Variants in PXDN observed in about 807,000 individuals in gnomAD.
PXDN encodes the protein peroxidasin, also known as peroxidasin homolog.
PXDN carries 77 observed loss-of-function variants against 140.3 expected under a neutral mutation model. That is an observed-to-expected ratio of 0.55 (90% confidence interval 0.46 to 0.66). The LOEUF (loss-of-function observed/expected upper bound fraction) is 0.66. Ranked by LOEUF, PXDN falls within the 30% of genes least tolerant of loss-of-function variation. The probability of loss-of-function intolerance (pLI) is 0.00; values close to 1 mark genes in which losing one functional copy is unlikely to be tolerated. For missense variants in PXDN, 1,838 were observed against 2,039.5 expected (o/e 0.90, Z 1.90); for synonymous variants, 911 against 857.4 (o/e 1.06, Z -1.09).
chr2:1,649,342 T>C lies in PXDN; in HGVS notation c.2438A>G (p.Gln813Arg), dbSNP rs1247711598. The change falls in exon 17 of 23, where the codon CAG becomes CGG. Residue 813 changes from glutamine (Q) to arginine (R), a missense_variant. Around this residue, in one of 5 missense-constraint regions of PXDN, gnomAD observed 537 missense variants for 583.9 expected, o/e 0.92. Coordinates refer to ENST00000252804, the MANE Select transcript of PXDN (RefSeq NM_012293.3). This position sits in a 1 kb window ranked among gnomAD's most constrained non-coding sequence, Gnocchi z 7.1. ...CCACTGCATCAGCATGTGGGTGAACTGCTCGTCGGGTGTGACGGTCTCCGT... is the reference window on the plus strand; with the variant it reads ...CCACTGCATCAGCATGTGGGTGAACCGCTCGTCGGGTGTGACGGTCTCCGT... ...IGTETVTPDE[Q>R]FTHMLMQWGQ... 5 of 1,613,766 alleles carry C rather than the reference T, an allele frequency of 3.1e-6. No homozygotes were observed. Among genetic ancestry groups the C allele is most frequent in the Non-Finnish European group, 3.4e-6 (4 of 1,179,882 alleles).
In PXDN at chr2:1,649,719, G is replaced by T. The variant is rs767715021; in HGVS notation, c.2105-44C>A. 7 of 1,601,508 alleles carry T rather than the reference G, an allele frequency of 4.4e-6. No homozygotes were observed. The African/African-American group carries it at 6.7e-5, about 15-fold the overall frequency. ...CAAGACGCACTCAATTCCCCTGGAG[G>T]ATGTGTGAGGGCCCGGTACCCCTTG... On this transcript the variant is annotated intron_variant, in intron 16 of 22. Transcript: ENST00000252804. This position sits in a 1 kb window ranked among gnomAD's most constrained non-coding sequence, Gnocchi z 7.1.
At chr2:1,674,389 C>T (rs570054038) in intron 8 of PXDN, among the ~76,000 whole-genome samples, 12 of 152,152 alleles carry the variant, frequency 7.9e-5, no homozygotes, top group African/African-American at 2.9e-4. Flanking sequence ...TTTTAACAAA[C>T]AGTGCCTGCA....
chr2:1,693,217 T>C (rs1684223573), intron 1 of PXDN, 83 bp from the exon 2 acceptor site: 1 of 1,126,094 alleles, frequency 8.9e-7, no homozygotes, highest in South Asian at 1.5e-5. Context: ...AGTTTCAAAA[T>C]GGTGACAATG....
intron 1 of PXDN, among the ~76,000 whole-genome samples, chr2:1,712,989 T>C (rs569116248): frequency 1.3e-5 from 2 of 152,358 alleles, no homozygotes; most frequent in Admixed American, 6.5e-5. Flanking sequence ...CCTCCCAAAG[T>C]GCTGGGACTA....
At chr2:1,646,615 T>G (rs896992202) in intron 17 of PXDN, among the ~76,000 whole-genome samples, 8 of 152,180 alleles carry the variant, frequency 5.3e-5, no homozygotes, top group Non-Finnish European at 7.3e-5. Context: ...AGTCATAACT[T>G]ACAATAAATT....
intron 1 of PXDN, among the ~76,000 whole-genome samples, chr2:1,741,430 C>T (rs1436957160): frequency 1.5e-4 from 23 of 152,264 alleles, no homozygotes; most frequent in Non-Finnish European, 7.3e-5. Flanking sequence ...CAGCACAGGG[C>T]GCGGGCTCCT....
chr2:1,705,780 G>C (rs1197488440), intron 1 of PXDN, among the ~76,000 whole-genome samples: 2 of 148,972 alleles, frequency 1.3e-5, no homozygotes, highest in Non-Finnish European at 3.0e-5. Flanking sequence ...AGGATGCAGG[G>C]TGCAGCTCCC....
intron 3 of PXDN, among the ~76,000 whole-genome samples, chr2:1,689,485 A>G (rs1684138521): frequency 6.6e-6 from 1 of 152,182 alleles, no homozygotes; most frequent in Admixed American, 6.5e-5. Context: ...TGTTTTCATG[A>G]GAATAGGTGA....
In PXDN at chr2:1,714,107, G is replaced by A. The variant is rs74189010; in HGVS notation, c.201-20973C>T. On this transcript the variant is annotated intron_variant, in intron 1 of 22. Transcript: ENST00000252804. This position sits in a 1 kb window ranked among gnomAD's most constrained non-coding sequence, Gnocchi z 4.3. ...TAAACAGCTTCAAGAAAGCGCATCCGTCACCTTTGGTGACTTCCCCGCCAC... is the reference window on the plus strand; with the variant it reads ...TAAACAGCTTCAAGAAAGCGCATCCATCACCTTTGGTGACTTCCCCGCCAC... Among the ~76,000 whole-genome samples the A allele has an allele frequency of 0.042, 6,428 of 152,246 alleles. 351 individuals are homozygous for A. Among genetic ancestry groups the A allele is most frequent in the East Asian group, 0.29 (1,480 of 5,152 alleles).
intron 14 of PXDN, among the ~76,000 whole-genome samples, chr2:1,657,013 A>G (rs747050694): frequency 1.4e-5 from 2 of 145,946 alleles, no homozygotes; most frequent in Non-Finnish European, 3.0e-5. Flanking sequence ...CCCTCTCCTG[A>G]CTAAAACCTA....
At chr2:1,684,287 T>C (rs946678078) in intron 4 of PXDN, 136 bp from the exon 5 acceptor site, 1 of 679,790 alleles carries the variant, frequency 1.5e-6, no homozygotes, top group African/African-American at 1.8e-5. Flanking sequence ...TCCTACATTG[T>C]ATGAACAATA....
At chr2:1,732,654 C>T (rs183225396) in intron 1 of PXDN, among the ~76,000 whole-genome samples, 3 of 152,226 alleles carry the variant, frequency 2.0e-5, no homozygotes, top group Admixed American at 2.0e-4. Flanking sequence ...TATAACTGTA[C>T]CAAGTACAAA....
chr2:1,648,232 T>C lies in PXDN; in HGVS notation c.3548A>G (p.His1183Arg), dbSNP rs1183990494. The change falls in exon 17 of 23, where the codon CAC (histidine) becomes CGC (arginine). Residue 1183 changes from histidine to arginine, a missense_variant. Transcript: ENST00000252804. The surrounding 1 kb of genome is among the most constrained non-coding windows in gnomAD (Gnocchi z 8.9). ...CTCATTTTTCAGGTCCTCGAACGTG[T>C]GTGCCGCCGATAGATTGCAGTAGAC... The part of the protein sequence containing the change: ...YRVYCNLSAA[H>R]TFEDLKNEIK... 1 of 1,613,908 alleles carries C rather than the reference T, an allele frequency of 6.2e-7. No individual in the cohort carries two copies. Among genetic ancestry groups the C allele is most frequent in the East Asian group, 2.2e-5 (1 of 44,860 alleles).
intron 9 of PXDN, among the ~76,000 whole-genome samples, chr2:1,671,582 G>A (rs1683578047): frequency 6.6e-6 from 1 of 152,180 alleles, no homozygotes; most frequent in Non-Finnish European, 1.5e-5. Context: ...CACTGATAGA[G>A]ATAGAAGTGT....
chr2:1,651,715 T>G lies in PXDN; in HGVS notation c.2104+1913A>C, dbSNP rs888622925. Among the ~76,000 whole-genome samples the G allele has an allele frequency of 1.4e-4, 21 of 152,276 alleles. No homozygotes were observed. The highest frequency in any genetic ancestry group is 1.1e-3 in the Admixed American group (17 of 15,306). On this transcript the variant is annotated intron_variant, in intron 16 of 22. Transcript: ENST00000252804. This position sits in a 1 kb window ranked among gnomAD's most constrained non-coding sequence, Gnocchi z 4.4. ...CGCCCTTGTGGGGTCCCTGCTCACGTGTCACCTTCGCCCATGGGGAACAGC... is the reference window on the plus strand; with the variant it reads ...CGCCCTTGTGGGGTCCCTGCTCACGGGTCACCTTCGCCCATGGGGAACAGC...
chr2:1,643,614 C>T, intron 18 of PXDN, 38 bp from the exon 19 acceptor site: 1 of 1,605,944 alleles, frequency 6.2e-7, no homozygotes. Flanking sequence ...CAGAGAAGGG[C>T]AGGAGACTCA....
chr2:1,669,427 C>T (rs892352413), intron 9 of PXDN, among the ~76,000 whole-genome samples: 8 of 152,152 alleles, frequency 5.3e-5, no homozygotes, highest in African/African-American at 1.9e-4. Flanking sequence ...ATGTAACATA[C>T]GTGCACATTC....
chr2:1,681,597 G>A (rs985916667), intron 6 of PXDN, among the ~76,000 whole-genome samples: 1 of 152,144 alleles, frequency 6.6e-6, no homozygotes, highest in African/African-American at 2.4e-5. Flanking sequence ...CCCATCCGAG[G>A]TTCTCCCAGA....
intron 1 of PXDN, among the ~76,000 whole-genome samples, chr2:1,725,738 A>AT (rs1470671758): frequency 6.6e-6 from 1 of 152,202 alleles, no homozygotes; most frequent in East Asian, 1.9e-4. Context: ...CAAGAAAAAA[A>AT]CAAACAACCC....
Sources: gnomAD v4.1 joint callset for allele counts (sites outside exome capture counted in the v4.1 genomes callset) on GRCh38, gnomAD v4.1.1 for gene constraint, gnomAD v4.1.1 regional missense constraint, Gnocchi (gnomAD v3.1) non-coding constraint, MANE v1.5 for transcripts, NCBI Gene and HGNC (gene_info 2026-07-23, HGNC 2026-07-21) for gene names.